SALL4: variants seen among roughly 807,000 people sequenced by gnomAD.
The protein encoded by SALL4 is sal-like protein 4.
SALL4 carries 4 observed loss-of-function variants against 60.8 expected under a neutral mutation model. The observed-to-expected ratio is 0.07, with a 90% CI of 0.03 to 0.15. The LOEUF (loss-of-function observed/expected upper bound fraction) is 0.15, where lower values mean the gene tolerates loss of function less well. Ranked by LOEUF, SALL4 falls within the 10% of genes least tolerant of loss-of-function variation. The pLI, the probability that SALL4 is intolerant of heterozygous loss-of-function variation, is 1.00. For missense variants in SALL4, 1,178 were observed against 1,394.7 expected (o/e 0.84, Z 2.48); for synonymous variants, 580 against 574.9 (o/e 1.01, Z -0.13).
At position 51,782,763 on chromosome 20, in the gene SALL4, A is replaced by C. The variant is rs1478071958; in HGVS notation, c.*1502T>G. On this transcript the variant is annotated 3_prime_UTR_variant, in exon 4 of 4. Transcript: ENST00000217086. ...TTCGTTTGCTCAATATCACATTTAC[A>C]AAGGAAACTACAAAAAAAAAAGGCA... 6.6e-6 allele frequency: 1 copy of C among 151,910 alleles called. No individual in the cohort carries two copies. The highest frequency in any genetic ancestry group is 1.5e-5 in the Non-Finnish European group (1 of 68,010). 9.4% of individuals were successfully genotyped at this position (151,910 alleles called of 1,614,324 possible). A position where few individuals can be genotyped will look rare whatever the true frequency, so the allele number is the denominator to read the frequency against.
chr20:51,793,941 C>T (rs1348611542), intron 1 of SALL4, among the ~76,000 whole-genome samples: 1 of 152,176 alleles, frequency 6.6e-6, no homozygotes, highest in Non-Finnish European at 1.5e-5. Context: ...GAAAGCTAGG[C>T]AGGGCCAACC....
In SALL4 at chr20:51,785,173, T is replaced by C. The variant is rs148745980; in HGVS notation, c.2743-489A>G. 6.6e-3 allele frequency among the ~76,000 whole-genome samples: 1,004 copies of C among 152,148 alleles called. 6 individuals carry two copies. The highest frequency in any genetic ancestry group is 0.022 in the African/African-American group (932 of 41,526). On this transcript the variant is annotated intron_variant, in intron 3 of 3. Coordinates refer to ENST00000217086, the MANE Select transcript of SALL4 (RefSeq NM_020436.5). ...AAAAGTAGCCAGGCATGGTGGCACA[T>C]GCCTGTAATCCCAGCTGCTCGCGAG... is the stretch of plus-strand genomic sequence containing the variant.
chr20:51,787,486 A>T (rs530915203), intron 3 of SALL4, among the ~76,000 whole-genome samples: 28 of 152,278 alleles, frequency 1.8e-4, no homozygotes, highest in Non-Finnish European at 3.1e-4. Context: ...CTACAGAGAA[A>T]AATGTATCTG....
Position 51,792,306 on chromosome 20 carries a change from A to G in SALL4, c.177T>C (p.Asp59=). ...HPGNDEVASE[D]EATVKRLRRE... Reference sequence around the variant, plus strand: ...GACGAAGCCGCTTTACTGTGGCTTCATCCTCACTCGCCACCTCGTCATTCC... The same window carrying G: ...GACGAAGCCGCTTTACTGTGGCTTCGTCCTCACTCGCCACCTCGTCATTCC... Residue 59 remains aspartate, a synonymous_variant, in exon 2 of 4, where the codon GAT becomes GAC. Coordinates refer to ENST00000217086, the MANE Select transcript of SALL4 (RefSeq NM_020436.5). 1 of 1,608,608 alleles carries G rather than the reference A, an allele frequency of 6.2e-7. No homozygotes were observed. Among genetic ancestry groups the G allele is most frequent in the Non-Finnish European group, 8.5e-7 (1 of 1,180,006 alleles).
chr20:51,792,461 G>C (rs565011954), intron 1 of SALL4, 109 bp from the exon 2 acceptor site: 81 of 1,350,508 alleles, frequency 6.0e-5, no homozygotes, highest in Non-Finnish European at 7.8e-5. Flanking sequence ...GGCTGAGGTG[G>C]GCAGATCACC....
rs1399063671 is a variant in SALL4, at chr20:51,788,661, G to A, written c.2742+200C>T. ...AGCTTGAGCTTGAGATGGCGCCACT[G>A]CACTCCAGTCTGGGCGACAGAGTGA... On this transcript the variant is annotated intron_variant, in intron 3 of 3. Coordinates refer to ENST00000217086, the MANE Select transcript of SALL4 (RefSeq NM_020436.5). This position sits in a 1 kb window ranked among gnomAD's most constrained non-coding sequence, Gnocchi z 4.1. Among the ~76,000 whole-genome samples, 2 of 152,068 alleles carry A rather than the reference G, an allele frequency of 1.3e-5. No individual in the cohort carries two copies. The highest frequency in any genetic ancestry group is 2.9e-5 in the Non-Finnish European group (2 of 68,016).
chr20:51,795,437 G>A (rs1052317357), intron 1 of SALL4, among the ~76,000 whole-genome samples: 5 of 152,056 alleles, frequency 3.3e-5, no homozygotes, highest in Non-Finnish European at 5.9e-5. Context: ...AGATAAAAAT[G>A]TTCGTCAATT....
At chr20:51,786,059 A>G (rs1373513330) in intron 3 of SALL4, among the ~76,000 whole-genome samples, 1 of 147,694 alleles carries the variant, frequency 6.8e-6, no homozygotes, top group Non-Finnish European at 1.5e-5. Flanking sequence ...ACCTGGGACT[A>G]CAGGTGCACA....
Position 51,789,110 on chromosome 20 carries a change from T to C in SALL4, c.2493A>G (p.Arg831=), listed in dbSNP as rs79909922. Residue 831 remains arginine (R), a synonymous_variant, in exon 3 of 4, where the codon CGA becomes CGG. Transcript: ENST00000217086. ...CAACCTTGACATAGGTCGGCGGGGC[T>C]CGGATAAACGTGGAAGGGAGACTGC... ...GRSSLPSTFI[R]APPTYVKVEV... 5.0e-4 allele frequency: 807 copies of C among 1,613,954 alleles called. 1 individual carries two copies. The highest frequency in any genetic ancestry group is 9.2e-4 in the South Asian group (84 of 91,082).
rs1251781704 is a variant in SALL4, at chr20:51,784,631, C to A, written c.2796G>T (p.Lys932Asn). 1 of 1,614,228 alleles carries A rather than the reference C, an allele frequency of 6.2e-7. No homozygotes were observed. Among genetic ancestry groups the A allele is most frequent in the East Asian group, 2.2e-5 (1 of 44,886 alleles). Residue 932 changes from lysine (K) to asparagine (N), a missense_variant, in exon 4 of 4, where the codon AAG (lysine) becomes AAT (asparagine). Physicochemically the swap from Lys to Asn is moderately conservative, Grantham distance 94. Around this residue, in one of 5 missense-constraint regions of SALL4, gnomAD observed 174 missense variants for 169.6 expected, o/e 1.03. Transcript: ENST00000217086. ...ANNNSARRGR[K>N]LAIENTMALL... The stretch of plus-strand genomic sequence containing the variant: ...GAGCCATGGTGTTCTCGATGGCCAA[C>A]TTCCTTCCACGGCGGGCTGAGTTAT...
In SALL4 at chr20:51,784,275, G is replaced by A. The variant is rs373555761; in HGVS notation, c.3152C>T (p.Ala1051Val). The stretch of plus-strand genomic sequence containing the variant: ...CACGCAAGTTCTCCCTTAGCTGACC[G>A]CAATCTTGTTTTCTTCCAGGAAGTG... ...FPHFLEENKI[A>V]VS The change falls in exon 4 of 4, where the codon GCG (alanine) becomes GTG (valine). Residue 1051 changes from alanine to valine, a missense_variant. This residue lies in a region of SALL4 where 174 missense variants were observed against 169.6 expected (regional missense o/e 1.03). Coordinates refer to ENST00000217086, the MANE Select transcript of SALL4 (RefSeq NM_020436.5). 6.9e-5 allele frequency: 112 copies of A among 1,613,738 alleles called. No homozygotes were observed. Among genetic ancestry groups the A allele is most frequent in the Non-Finnish European group, 8.2e-5 (97 of 1,180,026 alleles).
chr20:51,800,086 G>A (rs1290782857), intron 1 of SALL4, among the ~76,000 whole-genome samples: 2 of 152,118 alleles, frequency 1.3e-5, no homozygotes, highest in Non-Finnish European at 2.9e-5. Context: ...GGAGGCAATT[G>A]GAGGCTCTGC....
At position 51,788,806 on chromosome 20, in the gene SALL4, TAAG is replaced by T. The variant is rs2078011323; in HGVS notation, c.2742+52_2742+54del. 1.3e-5 allele frequency: 21 copies of T among 1,606,470 alleles called. No homozygotes were observed. Among genetic ancestry groups the T allele is most frequent in the East Asian group, 2.2e-5 (1 of 44,874 alleles). On this transcript the variant is annotated intron_variant, in intron 3 of 3. Coordinates refer to ENST00000217086, the MANE Select transcript of SALL4 (RefSeq NM_020436.5). The surrounding 1 kb of genome is among the most constrained non-coding windows in gnomAD (Gnocchi z 4.1). The stretch of plus-strand genomic sequence containing the variant: ...AAGAACTCATCACGGCTTGTGCCAA[TAAG>T]AAGACACCTGGTGCCTAGCCCCCAT...
At position 51,785,169 on chromosome 20, in the gene SALL4, C is replaced by G. The variant is rs954910100; in HGVS notation, c.2743-485G>C. ...TACAAAAAGTAGCCAGGCATGGTGG[C>G]ACATGCCTGTAATCCCAGCTGCTCG... On this transcript the variant is annotated intron_variant, in intron 3 of 3. Coordinates refer to ENST00000217086, the MANE Select transcript of SALL4 (RefSeq NM_020436.5). Among the ~76,000 whole-genome samples, 12 of 152,142 alleles carry G rather than the reference C, an allele frequency of 7.9e-5. 1 individual carries two copies. The highest frequency in any genetic ancestry group is 2.0e-4 in the Admixed American group (3 of 15,272).
In SALL4 at chr20:51,792,269, G is replaced by A. The variant is rs1373927324; in HGVS notation, c.214C>T (p.His72Tyr). 1.9e-6 allele frequency: 3 copies of A among 1,613,100 alleles called. No homozygotes were observed. Among genetic ancestry groups the A allele is most frequent in the South Asian group, 1.1e-5 (1 of 91,082 alleles). ...TCCGCACAGCATTTCTCACAGACGT[G>A]CGTCTCCTCCCGACGAAGCCGCTTT... is the stretch of plus-strand genomic sequence containing the variant. ...TVKRLRREET[H>Y]VCEKCCAEFF... Residue 72 changes from histidine to tyrosine, a missense_variant, in exon 2 of 4, where the codon CAC becomes TAC. Physicochemically the swap from His to Tyr is moderately conservative, Grantham distance 83. This residue lies in a region of SALL4 where 108 missense variants were observed against 95.7 expected (regional missense o/e 1.13). Coordinates refer to ENST00000217086, the MANE Select transcript of SALL4 (RefSeq NM_020436.5).
intron 1 of SALL4, among the ~76,000 whole-genome samples, chr20:51,796,737 C>A (rs1456682413): frequency 1.3e-5 from 2 of 152,060 alleles, no homozygotes; most frequent in African/African-American, 4.8e-5. Flanking sequence ...ATTAGTGGCC[C>A]AATTCATAAT....
At position 51,784,420 on chromosome 20, in the gene SALL4, C is replaced by T; in HGVS notation, c.3007G>A (p.Gly1003Arg). 6.2e-7 allele frequency: 1 copy of T among 1,614,152 alleles called. No homozygotes were observed. The highest frequency in any genetic ancestry group is 8.5e-7 in the Non-Finnish European group (1 of 1,180,036). The change falls in exon 4 of 4, where the codon GGG becomes AGG. Residue 1003 changes from glycine (G) to arginine (R), a missense_variant. Coordinates refer to ENST00000217086, the MANE Select transcript of SALL4 (RefSeq NM_020436.5). The part of the protein sequence containing the change: ...GGVPTLPVSL[G>R]ATSVVNNATV... ...GCGTTATTCACAACGGAGGTGGCCCCCAAGGAAACCGGGAGGGTAGGAACC... is the reference window on the plus strand; with the variant it reads ...GCGTTATTCACAACGGAGGTGGCCCTCAAGGAAACCGGGAGGGTAGGAACC...
rs1601159885 is a variant in SALL4, at chr20:51,782,394, C to A, written c.*1871G>T. 1 of 152,146 alleles carries A rather than the reference C, an allele frequency of 6.6e-6. No homozygotes were observed. Among genetic ancestry groups the A allele is most frequent in the East Asian group, 1.9e-4 (1 of 5,176 alleles). 9.4% of individuals were successfully genotyped at this position (152,146 alleles called of 1,614,324 possible). On this transcript the variant is annotated 3_prime_UTR_variant, in exon 4 of 4. Transcript: ENST00000217086. ...CAGACAGCATCAGCAGGTACAACTA[C>A]AGGGGTTTCTCCGTAGATCATACAT...
At chr20:51,795,688 A>T (rs1462442141) in intron 1 of SALL4, among the ~76,000 whole-genome samples, 1 of 152,202 alleles carries the variant, frequency 6.6e-6, no homozygotes, top group Non-Finnish European at 1.5e-5. Flanking sequence ...AGACAGATAC[A>T]GCTCTTTCAG....
Sources: gnomAD v4.1 joint callset for allele counts (sites outside exome capture counted in the v4.1 genomes callset) on GRCh38, gnomAD v4.1.1 for gene constraint, gnomAD v4.1.1 regional missense constraint, Gnocchi (gnomAD v3.1) non-coding constraint, MANE v1.5 for transcripts, NCBI Gene and HGNC (gene_info 2026-07-23, HGNC 2026-07-21) for gene names.